The following PARD3B variants were observed in gnomAD, a reference collection of about 807,000 sequenced individuals.
PARD3B encodes the protein par-3 family cell polarity regulator beta.
Under a neutral mutation model 130.2 loss-of-function variants are expected in PARD3B, and 103 were observed. The ratio of observed to expected loss-of-function variants is 0.79; its 90% CI spans 0.67 to 0.93. PARD3B has a LOEUF of 0.93. PARD3B is among the 40% of genes least tolerant of loss of function. The pLI is 0.00. For missense variants in PARD3B, 1,609 were observed against 1,499.2 expected, an observed-to-expected ratio of 1.07 and a Z score of -1.21; for synonymous variants, 583 against 553.2, an observed-to-expected ratio of 1.05 and a Z score of -0.76.
At position 205,575,372 on chromosome 2, in the gene PARD3B, C is replaced by T. The variant is rs564234883; in HGVS notation, c.3260+21969C>T. Among the ~76,000 whole-genome samples the T allele has an allele frequency of 3.3e-5, 5 of 151,950 alleles. No homozygotes were observed. Among genetic ancestry groups the T allele is most frequent in the South Asian group, 2.1e-4 (1 of 4,796 alleles). On this transcript the variant is annotated intron_variant, in intron 22 of 22. Coordinates refer to ENST00000406610, the MANE Select transcript of PARD3B (RefSeq NM_001302769.2). The surrounding 1 kb of genome is among the most constrained non-coding windows in gnomAD (Gnocchi z 4.6). ...GTTACATCTGATGACCCTGCATTGA[C>T]ACATCATAATCACCCAAAGCCCATA...
chr2:205,425,038 A>C (rs969054649), intron 19 of PARD3B, among the ~76,000 whole-genome samples: 3 of 152,196 alleles, frequency 2.0e-5, no homozygotes, highest in Non-Finnish European at 4.4e-5. Context: ...GGGCTCCCCC[A>C]GGGGCAGATT....
chr2:205,198,887 G>T (rs530671054), intron 15 of PARD3B, among the ~76,000 whole-genome samples: 2 of 151,702 alleles, frequency 1.3e-5, no homozygotes, highest in East Asian at 3.9e-4. Context: ...TATATCCATG[G>T]ATTTCTTTTA....
At chr2:204,728,935 G>A (rs1032043311) in intron 2 of PARD3B, among the ~76,000 whole-genome samples, 8 of 152,118 alleles carry the variant, frequency 5.3e-5, no homozygotes, top group South Asian at 2.1e-4. Context: ...AGAACATGGT[G>A]GATGAGAGAG....
chr2:204,771,280 G>A (rs2041364636), intron 2 of PARD3B, among the ~76,000 whole-genome samples: 2 of 152,016 alleles, frequency 1.3e-5, no homozygotes, highest in Admixed American at 1.3e-4. Context: ...GTCTTGGGTA[G>A]CACTGCCATA....
In PARD3B at chr2:205,274,186, T is replaced by C. The variant is rs889404802; in HGVS notation, c.2186-26344T>C. ...ATTACTATTGCCTATAATTTTCATA[T>C]ATATTATAACCTCTGAAGAGAATTT... On this transcript the variant is annotated intron_variant, in intron 16 of 22. Transcript: ENST00000406610. This position sits in a 1 kb window ranked among gnomAD's most constrained non-coding sequence, Gnocchi z 4.2. Among the ~76,000 whole-genome samples the C allele has an allele frequency of 1.3e-5, 2 of 152,304 alleles. No homozygotes were observed. Among genetic ancestry groups the C allele is most frequent in the South Asian group, 2.1e-4 (1 of 4,826 alleles).
At chr2:204,826,047 T>C (rs2043557849) in intron 2 of PARD3B, among the ~76,000 whole-genome samples, 1 of 152,196 alleles carries the variant, frequency 6.6e-6, no homozygotes, top group Admixed American at 6.5e-5. Context: ...TTATTGCTTT[T>C]TCTGAGGAAA....
At chr2:205,053,276 CAGGGT>C (rs1426227984) in intron 4 of PARD3B, among the ~76,000 whole-genome samples, 3 of 151,710 alleles carry the variant, frequency 2.0e-5, no homozygotes, top group Non-Finnish European at 4.4e-5. Context: ...AGCTTGATTT[CAGGGT>C]TAAAATAATT....
chr2:205,082,950 C>T (rs963232859), intron 4 of PARD3B, among the ~76,000 whole-genome samples: 1 of 146,396 alleles, frequency 6.8e-6, no homozygotes, highest in East Asian at 2.0e-4. Flanking sequence ...GACACAGTCT[C>T]GCTCTATCGC....
chr2:205,310,867 G>T (rs141304440), intron 18 of PARD3B, among the ~76,000 whole-genome samples: 4,779 of 151,714 alleles, frequency 0.032, 216 homozygotes, highest in African/African-American at 0.1. Flanking sequence ...GGGGTTACAG[G>T]TGCCTGCCAC....
At chr2:205,296,434 T>C (rs926967084) in intron 16 of PARD3B, among the ~76,000 whole-genome samples, 16 of 152,168 alleles carry the variant, frequency 1.1e-4, no homozygotes, top group Admixed American at 2.0e-4. Flanking sequence ...CAAACTATCC[T>C]CCAGGAAGGA....
chr2:204,807,823 G>A (rs570954324), intron 2 of PARD3B, among the ~76,000 whole-genome samples: 5 of 152,020 alleles, frequency 3.3e-5, no homozygotes, highest in African/African-American at 1.2e-4. Context: ...TACAATGATG[G>A]CTACCAGTGG....
chr2:204,658,061 A>G (rs1312479372), intron 1 of PARD3B, among the ~76,000 whole-genome samples: 2 of 152,156 alleles, frequency 1.3e-5, no homozygotes, highest in African/African-American at 4.8e-5. Flanking sequence ...AGAAAGACAA[A>G]TGTGCAGCTA....
At chr2:205,087,713 A>T (rs1340650673) in intron 4 of PARD3B, among the ~76,000 whole-genome samples, 1 of 152,212 alleles carries the variant, frequency 6.6e-6, no homozygotes, top group African/African-American at 2.4e-5. Context: ...TGAATTGGGC[A>T]ATCAACCTGG....
rs999264630 is a variant in PARD3B at position 205,280,363 on chromosome 2, A to G, written c.2186-20167A>G. Among the ~76,000 whole-genome samples the G allele has an allele frequency of 2.0e-5, 3 of 152,234 alleles. No individual in the cohort carries two copies. Among genetic ancestry groups the G allele is most frequent in the African/African-American group, 7.2e-5 (3 of 41,454 alleles). On this transcript the variant is annotated intron_variant, in intron 16 of 22. Transcript: ENST00000406610. The surrounding 1 kb of genome is among the most constrained non-coding windows in gnomAD (Gnocchi z 4.7). ...CATCTGTACTTGCCCTGCTTTCAAA[A>G]TTACTTTTTCTCTTTTCAATGGAAT...
chr2:205,454,770 GC>G (rs1300452404), intron 20 of PARD3B, among the ~76,000 whole-genome samples: 1 of 152,078 alleles, frequency 6.6e-6, no homozygotes, highest in South Asian at 2.1e-4. Flanking sequence ...CATATACTAT[GC>G]CCTCTACTGA....
rs188687161 is a variant in PARD3B, at chr2:204,815,100, A to T, written c.222+128818A>T. Among the ~76,000 whole-genome samples the T allele has an allele frequency of 3.6e-3, 545 of 151,966 alleles. 2 individuals are homozygous for T. The highest frequency in any genetic ancestry group is 0.012 in the African/African-American group (496 of 41,520). ...TGAGTCTTGACTTATTTTCTCATAT[A>T]CTTTTCTGGAATAGTTGATGTAGAA... On this transcript the variant is annotated intron_variant, in intron 2 of 22. Transcript: ENST00000406610.
chr2:205,176,782 A>C lies in PARD3B; in HGVS notation c.1924+205A>C, dbSNP rs1224585402. 6.6e-6 allele frequency among the ~76,000 whole-genome samples: 1 copy of C among 152,202 alleles called. No individual in the cohort carries two copies. The highest frequency in any genetic ancestry group is 1.9e-4 in the East Asian group (1 of 5,194). On this transcript the variant is annotated intron_variant, in intron 13 of 22. Coordinates refer to ENST00000406610, the MANE Select transcript of PARD3B (RefSeq NM_001302769.2). This position sits in a 1 kb window ranked among gnomAD's most constrained non-coding sequence, Gnocchi z 5.3. Reference sequence around the variant, plus strand: ...GATTCCTGGCAATGTCTCTAGTTTAAGTGACACTTTCTGTGCTTGCTGCCC... The same window carrying C: ...GATTCCTGGCAATGTCTCTAGTTTACGTGACACTTTCTGTGCTTGCTGCCC...
At chr2:205,327,151 C>T (rs2042964509) in intron 18 of PARD3B, among the ~76,000 whole-genome samples, 1 of 152,120 alleles carries the variant, frequency 6.6e-6, no homozygotes, top group African/African-American at 2.4e-5. Context: ...CTTGGCATCC[C>T]ACAATGAAGC....
Position 205,592,456 on chromosome 2 carries a change from G to T in PARD3B, c.3261-23000G>T, listed in dbSNP as rs897191380. Among the ~76,000 whole-genome samples the T allele has an allele frequency of 3.9e-5, 6 of 152,078 alleles. No individual in the cohort carries two copies. In the South Asian group the frequency reaches 1.2e-3, roughly 32 times the overall value. On this transcript the variant is annotated intron_variant, in intron 22 of 22. Coordinates refer to ENST00000406610, the MANE Select transcript of PARD3B (RefSeq NM_001302769.2). The surrounding 1 kb of genome is among the most constrained non-coding windows in gnomAD (Gnocchi z 4.5). ...ACATCCACTAATAAACTTTATATTGGGTGCCTACCATGAGCCAGGCACTGG... is the reference window on the plus strand; with the variant it reads ...ACATCCACTAATAAACTTTATATTGTGTGCCTACCATGAGCCAGGCACTGG...
Sources: gnomAD v4.1 joint callset for allele counts (sites outside exome capture counted in the v4.1 genomes callset) on GRCh38, gnomAD v4.1.1 for gene constraint, Gnocchi (gnomAD v3.1) non-coding constraint, MANE v1.5 for transcripts, NCBI Gene and HGNC (gene_info 2026-07-23, HGNC 2026-07-21) for gene names.